Variants in NOS1AP observed in about 807,000 individuals in gnomAD.
NOS1AP encodes the protein nitric oxide synthase 1 adaptor protein, also known as carboxyl-terminal PDZ ligand of neuronal nitric oxide synthase protein.
Under a neutral mutation model 56.2 loss-of-function variants are expected in NOS1AP, and 21 were observed. The observed-to-expected ratio is 0.37, with a 90% CI of 0.26 to 0.54. The LOEUF is 0.54. NOS1AP is among the 20% of genes least tolerant of loss of function. The pLI is 0.84. For synonymous variants in NOS1AP, 270 were observed against 274.6 expected (o/e 0.98, Z 0.17); for missense variants, 522 against 657.8 (o/e 0.79, Z 2.26).
intron 1 of NOS1AP, among the ~76,000 whole-genome samples, chr1:162,085,910 G>A (rs189870451): frequency 4.6e-5 from 7 of 152,256 alleles, no homozygotes; most frequent in African/African-American, 1.7e-4. Context: ...TGCCAGATGG[G>A]TGCTATTTTT....
intron 2 of NOS1AP, among the ~76,000 whole-genome samples, chr1:162,191,414 T>G (rs747468251): frequency 2.6e-5 from 4 of 152,148 alleles, no homozygotes; most frequent in Non-Finnish European, 4.4e-5. Context: ...GTGCAGGGGT[T>G]TGTGAGGGCA....
intron 3 of NOS1AP, 57 bp from the exon 4 acceptor site, chr1:162,300,576 G>A (rs1655616698): frequency 6.9e-7 from 1 of 1,443,350 alleles, no homozygotes; most frequent in South Asian, 1.1e-5. Context: ...AGTATGCATA[G>A]CTCAGTGTGT....
rs142613944 is a variant in NOS1AP, at chr1:162,073,586, G to T, written c.105+3304G>T. On this transcript the variant is annotated intron_variant, in intron 1 of 9. Transcript: ENST00000361897. Reference sequence around the variant, plus strand: ...AGTGATTCTCCTGCCTCAGCCTCCTGGGTAGCTGGGATAACAGGCATGCGC... The same window carrying T: ...AGTGATTCTCCTGCCTCAGCCTCCTTGGTAGCTGGGATAACAGGCATGCGC... 7.9e-3 allele frequency among the ~76,000 whole-genome samples: 1,199 copies of T among 152,216 alleles called. 16 individuals are homozygous for T. Among genetic ancestry groups the T allele is most frequent in the African/African-American group, 0.028 (1,144 of 41,518 alleles).
chr1:162,281,099 A>G (rs1452678312), intron 2 of NOS1AP, among the ~76,000 whole-genome samples: 10 of 152,210 alleles, frequency 6.6e-5, no homozygotes, highest in Admixed American at 4.6e-4. Context: ...AATGATTACG[A>G]GTGGCTTTGG....
intron 2 of NOS1AP, among the ~76,000 whole-genome samples, chr1:162,254,386 A>C (rs1213846029): frequency 4.6e-5 from 7 of 152,202 alleles, no homozygotes; most frequent in Non-Finnish European, 1.0e-4. Flanking sequence ...TGAATGTGCA[A>C]ACGTGAGTGT....
At chr1:162,308,020 A>C (rs2101762845) in intron 4 of NOS1AP, among the ~76,000 whole-genome samples, 1 of 152,282 alleles carries the variant, frequency 6.6e-6, no homozygotes, top group African/African-American at 2.4e-5. Context: ...TCCAATCAGG[A>C]GACAGAAACC....
intron 2 of NOS1AP, among the ~76,000 whole-genome samples, chr1:162,161,346 A>G (rs1019764838): frequency 2.0e-5 from 3 of 152,210 alleles, no homozygotes; most frequent in Non-Finnish European, 1.5e-5. Context: ...GATTGGAGAG[A>G]TTCCACCCCC....
intron 3 of NOS1AP, among the ~76,000 whole-genome samples, chr1:162,289,217 C>CTTCCTTTCCTTCCT (rs1553202251): frequency 5.0e-5 from 1 of 20,142 alleles, no homozygotes; most frequent in African/African-American, 2.1e-4. Context: ...CCTTTCCTTC[C>CTTCCTTTCCTTCCT]TTCCTTCCTT....
At chr1:162,090,876 T>C (rs772177283) in intron 1 of NOS1AP, among the ~76,000 whole-genome samples, 11 of 152,226 alleles carry the variant, frequency 7.2e-5, no homozygotes, top group Non-Finnish European at 1.3e-4. Context: ...GCTTTCACTA[T>C]CACATATTTC....
At chr1:162,259,714 G>T (rs758019633) in intron 2 of NOS1AP, among the ~76,000 whole-genome samples, 21 of 152,146 alleles carry the variant, frequency 1.4e-4, no homozygotes, top group Non-Finnish European at 1.9e-4. Flanking sequence ...GTTTTTAAAA[G>T]CATTAAAACA....
intron 5 of NOS1AP, among the ~76,000 whole-genome samples, chr1:162,340,609 A>C (rs1657080362): frequency 6.6e-6 from 1 of 152,166 alleles, no homozygotes; most frequent in African/African-American, 2.4e-5. Context: ...GCTATCATAT[A>C]TTCAGTTTTT....
chr1:162,196,022 T>C (rs1651794805), intron 2 of NOS1AP, among the ~76,000 whole-genome samples: 1 of 152,250 alleles, frequency 6.6e-6, no homozygotes, highest in African/African-American at 2.4e-5. Context: ...GTAAAGGAGA[T>C]GAAAAGGTTT....
chr1:162,202,924 A>G lies in NOS1AP; in HGVS notation c.177+48448A>G, dbSNP rs138305852. ...ATACAGGGGCTCAACTGATGCCTGT[A>G]GGTCTGTTTCCTTTCTCCCCATCAG... On this transcript the variant is annotated intron_variant, in intron 2 of 9. Transcript: ENST00000361897. Among the ~76,000 whole-genome samples the G allele has an allele frequency of 2.6e-5, 4 of 152,264 alleles. No homozygotes were observed. In the East Asian group the frequency reaches 5.8e-4, roughly 22 times the overall value.
In NOS1AP at chr1:162,073,079, G is replaced by C. The variant is rs142372701; in HGVS notation, c.105+2797G>C. Among the ~76,000 whole-genome samples the C allele has an allele frequency of 6.9e-3, 1,048 of 152,264 alleles. 9 individuals are homozygous for C. The highest frequency in any genetic ancestry group is 8.7e-3 in the South Asian group (42 of 4,824). ...TGGGGTTAGGATCGAAGGGCATCTG[G>C]GTGGCAGAGGTTCTGTGCACTTAAA... On this transcript the variant is annotated intron_variant, in intron 1 of 9. Coordinates refer to ENST00000361897, the MANE Select transcript of NOS1AP (RefSeq NM_014697.3).
chr1:162,205,980 C>G (rs1422087856), intron 2 of NOS1AP, among the ~76,000 whole-genome samples: 1 of 152,198 alleles, frequency 6.6e-6, no homozygotes, highest in Admixed American at 6.5e-5. Flanking sequence ...ACCCACCTCT[C>G]AGCAAAGCAG....
intron 8 of NOS1AP, among the ~76,000 whole-genome samples, chr1:162,362,764 G>A (rs1336318988): frequency 6.6e-6 from 1 of 152,204 alleles, no homozygotes; most frequent in South Asian, 2.1e-4. Flanking sequence ...TTATCTGTGG[G>A]CTTCCCATAG....
chr1:162,273,874 T>C (rs1293961814), intron 2 of NOS1AP, among the ~76,000 whole-genome samples: 1 of 152,212 alleles, frequency 6.6e-6, no homozygotes, highest in African/African-American at 2.4e-5. Context: ...TCTGTAACAA[T>C]ACTGTATCAC....
rs1398443928 is a variant in NOS1AP, at chr1:162,184,105, G to A, written c.177+29629G>A. On this transcript the variant is annotated intron_variant, in intron 2 of 9. Coordinates refer to ENST00000361897, the MANE Select transcript of NOS1AP (RefSeq NM_014697.3). ...ACCACTTTACTGATGGGCCATTGTAGGGTTATTAATTGGCCTAATTTCAAT... is the reference window on the plus strand; with the variant it reads ...ACCACTTTACTGATGGGCCATTGTAAGGTTATTAATTGGCCTAATTTCAAT... 2.6e-5 allele frequency among the ~76,000 whole-genome samples: 4 copies of A among 152,256 alleles called. No individual in the cohort carries two copies. The East Asian group carries it at 5.8e-4, about 22-fold the overall frequency.
intron 2 of NOS1AP, among the ~76,000 whole-genome samples, chr1:162,231,465 G>A (rs1265026580): frequency 6.6e-6 from 1 of 151,940 alleles, no homozygotes; most frequent in Non-Finnish European, 1.5e-5. Context: ...TTTTGCACAG[G>A]CGTTTTACAT....
Sources: allele counts gnomAD v4.1 joint callset (sites outside exome capture counted in the v4.1 genomes callset), GRCh38; gene constraint gnomAD v4.1.1; transcripts MANE v1.5; gene names NCBI Gene and HGNC (gene_info 2026-07-23, HGNC 2026-07-21).